Variants in KIR2DL3 observed in about 807,000 individuals in gnomAD.
KIR2DL3 encodes the protein killer cell immunoglobulin like receptor, two Ig domains and long cytoplasmic tail 3, also known as killer cell immunoglobulin-like receptor 2DL3.
KIR2DL3 carries 39 observed loss-of-function variants against 33.8 expected under a neutral mutation model. The ratio of observed to expected loss-of-function variants is 1.15; its 90% CI spans 0.89 to 1.51. KIR2DL3 has a LOEUF of 1.51. Ranked by LOEUF, KIR2DL3 falls within the 40% of genes most tolerant of loss-of-function variation. The pLI, the probability that KIR2DL3 is intolerant of heterozygous loss-of-function variation, is 0.00. For synonymous variants in KIR2DL3, 174 were observed against 160.2 expected, an observed-to-expected ratio of 1.09 and a Z score of -0.65; for missense variants, 462 against 426.2, an observed-to-expected ratio of 1.08 and a Z score of -0.74.
In KIR2DL3 at chr19:54,752,644, C is replaced by A; in HGVS notation, c.*125C>A. On this transcript the variant is annotated 3_prime_UTR_variant, in exon 8 of 8. Coordinates refer to ENST00000342376, the MANE Select transcript of KIR2DL3 (RefSeq NM_015868.3). ...TGTACCAGCAGCTGGAATCTGAAGGCGTGAGTCTGCATCTTAGGGCATCGC... is the reference window on the plus strand; with the variant it reads ...TGTACCAGCAGCTGGAATCTGAAGGAGTGAGTCTGCATCTTAGGGCATCGC... 3.2e-6 allele frequency: 4 copies of A among 1,252,920 alleles called. No homozygotes were observed. The highest frequency in any genetic ancestry group is 1.4e-5 in the South Asian group (1 of 70,252). The allele number at this position is 1,252,920 out of a possible 1,614,324, so 77.6% of individuals were successfully genotyped here.
intron 1 of KIR2DL3, 47 bp from the exon 2 acceptor site, chr19:54,739,460 C>A (rs630832): frequency 1.9e-6 from 3 of 1,603,492 alleles, no homozygotes; most frequent in Admixed American, 3.4e-5. Flanking sequence ...GCAAGGGAGG[C>A]CTGGTTTGCC....
intron 2 of KIR2DL3, among the ~76,000 whole-genome samples, chr19:54,740,763 T>A (rs2070905857): frequency 2.0e-5 from 3 of 151,768 alleles, no homozygotes; most frequent in South Asian, 2.1e-4. Context: ...ACTATTTATG[T>A]TATAGGGGAA....
intron 4 of KIR2DL3, 29 bp downstream of exon 4, chr19:54,744,117 C>T (rs1341299577): frequency 4.1e-5 from 66 of 1,613,330 alleles, no homozygotes; most frequent in Non-Finnish European, 5.5e-5. Context: ...TGTCTCATGT[C>T]CTATGATCCT....
chr19:54,739,355 C>A, intron 1 of KIR2DL3, 152 bp from the exon 2 acceptor site: 1 of 1,214,584 alleles, frequency 8.2e-7, no homozygotes, highest in Non-Finnish European at 1.2e-6. Flanking sequence ...GCACAGCCGA[C>A]AGCCCTGTTC....
At chr19:54,747,445 T>G (rs2072721044) in intron 5 of KIR2DL3, 60 bp downstream of exon 5, 11 of 1,565,624 alleles carry the variant, frequency 7.0e-6, no homozygotes, top group Middle Eastern at 1.7e-4. Flanking sequence ...AAACCTTCGA[T>G]GCAGGCATTG....
chr19:54,739,451 C>T (rs1343923835), intron 1 of KIR2DL3, 56 bp from the exon 2 acceptor site: 2 of 1,612,734 alleles, frequency 1.2e-6, no homozygotes, highest in African/African-American at 1.3e-5. Context: ...GTGGGGGCAG[C>T]AAGGGAGGCC....
At position 54,739,667 on chromosome 19, in the gene KIR2DL3, C is replaced by T; in HGVS notation, c.70+125C>T. 3.9e-6 allele frequency: 6 copies of T among 1,520,870 alleles called. 1 individual carries two copies. The highest frequency in any genetic ancestry group is 4.5e-6 in the Non-Finnish European group (5 of 1,104,648). 94.2% of individuals were successfully genotyped at this position (1,520,870 alleles called of 1,614,324 possible). A position where few individuals can be genotyped will look rare whatever the true frequency, so the allele number is the denominator to read the frequency against. ...AAGAGAGGACCCTGGGGTGCTCAGC[C>T]CACATTTCTGACCTCGCCTCCCTGG... On this transcript the variant is annotated intron_variant, in intron 2 of 7. Transcript: ENST00000342376.
At chr19:54,741,148 A>C (rs1484565500) in intron 2 of KIR2DL3, among the ~76,000 whole-genome samples, 1 of 151,314 alleles carries the variant, frequency 6.6e-6, no homozygotes, top group Non-Finnish European at 1.5e-5. Context: ...GGAAACCAAC[A>C]CTGGAACCCA....
At position 54,751,841 on chromosome 19, in the gene KIR2DL3, G is replaced by A. The variant is rs900909334; in HGVS notation, c.820+88G>A. ...CTCAGGTGTGTGTTCCTCACAGACA[G>A]GATGGTCCCTGGCCCAAGGCAGCAG... On this transcript the variant is annotated intron_variant, in intron 6 of 7. Transcript: ENST00000342376. 3 of 1,130,360 alleles carry A rather than the reference G, an allele frequency of 2.7e-6. 1 individual carries two copies. The highest frequency in any genetic ancestry group is 3.8e-6 in the Non-Finnish European group (3 of 791,090). 70.0% of individuals were successfully genotyped at this position (1,130,360 alleles called of 1,614,324 possible). A position where few individuals can be genotyped will look rare whatever the true frequency, so the allele number is the denominator to read the frequency against.
At chr19:54,743,423 G>T (rs11667532) in intron 3 of KIR2DL3, among the ~76,000 whole-genome samples, 1 of 152,030 alleles carries the variant, frequency 6.6e-6, no homozygotes, top group Non-Finnish European at 1.5e-5. Flanking sequence ...TTGTAGATAG[G>T]CACCGAATAG....
chr19:54,751,778 G>A lies in KIR2DL3; in HGVS notation c.820+25G>A, dbSNP rs771516693. ...AGTAAGTCTCACGAAGCAGAGGCCAGAGAGCTCAGGGCCATGTGGGGAAGC... is the reference window on the plus strand; with the variant it reads ...AGTAAGTCTCACGAAGCAGAGGCCAAAGAGCTCAGGGCCATGTGGGGAAGC... On this transcript the variant is annotated intron_variant, in intron 6 of 7. Transcript: ENST00000342376. The A allele has an allele frequency of 5.6e-6, 8 of 1,421,990 alleles. 1 individual carries two copies. In the East Asian group the frequency reaches 1.4e-4, roughly 24 times the overall value. The allele number at this position is 1,421,990 out of a possible 1,614,324, so 88.1% of individuals were successfully genotyped here.
chr19:54,752,074 A>C lies in KIR2DL3; in HGVS notation c.821-142A>C. On this transcript the variant is annotated intron_variant, in intron 6 of 7. Coordinates refer to ENST00000342376, the MANE Select transcript of KIR2DL3 (RefSeq NM_015868.3). The stretch of plus-strand genomic sequence containing the variant: ...TCATGGGATGGGTCCTTGAGCTCAG[A>C]GAGATAGAATGTCTGAGTCTGCTGT... 6 of 964,470 alleles carry C rather than the reference A, an allele frequency of 6.2e-6. 1 individual carries two copies. Among genetic ancestry groups the C allele is most frequent in the Non-Finnish European group, 7.7e-6 (5 of 653,558 alleles). 59.7% of individuals were successfully genotyped at this position (964,470 alleles called of 1,614,324 possible). A position where few individuals can be genotyped will look rare whatever the true frequency, so the allele number is the denominator to read the frequency against.
At chr19:54,744,689 G>C (rs1249585026) in intron 4 of KIR2DL3, among the ~76,000 whole-genome samples, 15 of 150,346 alleles carry the variant, frequency 1.0e-4, no homozygotes, top group Non-Finnish European at 1.9e-4. Flanking sequence ...ACCACGCCAG[G>C]CTACTTTTTG....
At chr19:54,745,697 T>C (rs1340283271) in intron 4 of KIR2DL3, among the ~76,000 whole-genome samples, 1 of 151,686 alleles carries the variant, frequency 6.6e-6, no homozygotes, top group Non-Finnish European at 1.5e-5. Flanking sequence ...TCCACACTTT[T>C]CTCCGTAAAG....
chr19:54,741,981 A>C lies in KIR2DL3; in HGVS notation c.72A>C (p.Gly24=). ...FLLQGAWPHE[G]VHRKPSLLAH... ...TAAACTCACAACCTCTCTTCCTAGGAGTCCACAGAAAACCTTCCCTCCTGG... is the reference window on the plus strand; with the variant it reads ...TAAACTCACAACCTCTCTTCCTAGGCGTCCACAGAAAACCTTCCCTCCTGG... Residue 24 remains glycine (G), a splice_region_variant and synonymous_variant, in exon 3 of 8, where the codon GGA becomes GGC. Transcript: ENST00000342376. The C allele has an allele frequency of 6.2e-7, 1 of 1,604,562 alleles. No individual in the cohort carries two copies.
At chr19:54,744,779 C>T (rs763220682) in intron 4 of KIR2DL3, among the ~76,000 whole-genome samples, 100 of 149,968 alleles carry the variant, frequency 6.7e-4, no homozygotes, top group African/African-American at 2.3e-3. Flanking sequence ...CCCGCATCTG[C>T]CTCCCAAAGT....
At position 54,752,536 on chromosome 19, in the gene KIR2DL3, G is replaced by A; in HGVS notation, c.*17G>A. The A allele has an allele frequency of 1.4e-6, 2 of 1,462,962 alleles. 1 individual carries two copies. Among genetic ancestry groups the A allele is most frequent in the Non-Finnish European group, 1.9e-6 (2 of 1,075,916 alleles). The allele number at this position is 1,462,962 out of a possible 1,614,324, so 90.6% of individuals were successfully genotyped here. On this transcript the variant is annotated 3_prime_UTR_variant, in exon 8 of 8. Transcript: ENST00000342376. The stretch of plus-strand genomic sequence containing the variant: ...GAGCCCTGATCCAAAGTTGTCTCCT[G>A]CCCATGAGCACCACAGTCAGGCCTT...
At chr19:54,742,411 T>C (rs1794393002) in intron 3 of KIR2DL3, 132 bp downstream of exon 3, 1 of 1,336,262 alleles carries the variant, frequency 7.5e-7, no homozygotes, top group South Asian at 1.2e-5. Context: ...CTGAGGTTTG[T>C]ACCAACAGAG....
chr19:54,738,600 G>A (rs377555763), intron 1 of KIR2DL3, 21 bp downstream of exon 1: 715 of 1,613,904 alleles, frequency 4.4e-4, no homozygotes, highest in Middle Eastern at 8.2e-4. Context: ...GAAGGGCATC[G>A]AGGGAGGGAG....
Sources: allele counts gnomAD v4.1 joint callset (sites outside exome capture counted in the v4.1 genomes callset), GRCh38; gene constraint gnomAD v4.1.1; transcripts MANE v1.5; gene names NCBI Gene and HGNC (gene_info 2026-07-23, HGNC 2026-07-21).